HTT: variants seen among roughly 807,000 people sequenced by gnomAD.
HTT encodes the protein huntington disease protein.
HTT carries 104 observed loss-of-function variants against 362.3 expected under a neutral mutation model. That is an observed-to-expected ratio of 0.29 (90% CI 0.24 to 0.34). The LOEUF (loss-of-function observed/expected upper bound fraction) is 0.34, where lower values mean the gene tolerates loss of function less well. Ranked by LOEUF, HTT falls within the 10% of genes least tolerant of loss-of-function variation. The pLI, the probability that HTT is intolerant of heterozygous loss-of-function variation, is 1.00. For missense variants in HTT, 3,301 were observed against 3,928.6 expected, an observed-to-expected ratio of 0.84 and a Z score of 4.27; for synonymous variants, 1,577 against 1,548.7, an observed-to-expected ratio of 1.02 and a Z score of -0.43.
rs1050978423 is a variant in HTT, at chr4:3,114,022, G to T, written c.748-1282G>T. 2.6e-5 allele frequency among the ~76,000 whole-genome samples: 4 copies of T among 152,288 alleles called. No individual in the cohort carries two copies. In the South Asian group the frequency reaches 6.2e-4, roughly 24 times the overall value. ...CACAGCCTTTAGAGCTGAGAGCCCT[G>T]AACAGAGATTTACCCACATATTTAT... On this transcript the variant is annotated intron_variant, in intron 6 of 66. Coordinates refer to ENST00000355072, the MANE Select transcript of HTT (RefSeq NM_001388492.1).
Position 3,102,461 on chromosome 4 carries a change from G to A in HTT, c.469-1363G>A, listed in dbSNP as rs75612991. ...AGAAGTAATGTTGAAATAAATGTTT[G>A]TCCAATTCGCTTTGCTCATTTAAGG... On this transcript the variant is annotated intron_variant, in intron 3 of 66. Coordinates refer to ENST00000355072, the MANE Select transcript of HTT (RefSeq NM_001388492.1). Among the ~76,000 whole-genome samples, 155 of 152,346 alleles carry A rather than the reference G, an allele frequency of 1.0e-3. 5 individuals are homozygous for A. The East Asian group carries it at 0.021, about 21-fold the overall frequency.
Position 3,240,013 on chromosome 4 carries a change from G to A in HTT, c.9383G>A (p.Arg3128Gln), listed in dbSNP as rs748823223. 1.4e-5 allele frequency: 22 copies of A among 1,601,166 alleles called. No homozygotes were observed. Among genetic ancestry groups the A allele is most frequent in the African/African-American group, 4.0e-5 (3 of 74,830 alleles). ...GCAGCCCCAGGAAGCCCATATCACC[G>A]GCTGCTGACTTGTTTACGAAATGTC... ...VVAAPGSPYH[R>Q]LLTCLRNVHK... The change falls in exon 67 of 67, where the codon CGG becomes CAG. Residue 3128 changes from arginine to glutamine, a missense_variant. Physicochemically the swap from Arg to Gln is conservative, Grantham distance 43 (BLOSUM62 1). Coordinates refer to ENST00000355072, the MANE Select transcript of HTT (RefSeq NM_001388492.1).
rs1284406219 is a variant in HTT at position 3,208,858 on chromosome 4, C to T, written c.6238C>T (p.His2080Tyr). The change falls in exon 46 of 67, where the codon CAC (histidine) becomes TAC (tyrosine). Residue 2080 changes from histidine (H) to tyrosine (Y), a missense_variant. Transcript: ENST00000355072. ...SLSPSPPVSS[H>Y]PLDGDGHVSL... ...TAGTCCCTCTCCTCCAGTCTCTTCC[C>T]ACCCGCTGGACGGGGATGGGCACGT... 1 of 1,614,110 alleles carries T rather than the reference C, an allele frequency of 6.2e-7. No individual in the cohort carries two copies. The highest frequency in any genetic ancestry group is 8.5e-7 in the Non-Finnish European group (1 of 1,179,994).
At chr4:3,216,983 C>T (rs1315044950) in intron 51 of HTT, among the ~76,000 whole-genome samples, 2 of 151,312 alleles carry the variant, frequency 1.3e-5, no homozygotes, top group African/African-American at 4.9e-5. Context: ...CGAGATCCCG[C>T]CACTGCACTC....
chr4:3,145,541 C>T (rs12502045), intron 24 of HTT, among the ~76,000 whole-genome samples: 12,007 of 152,156 alleles, frequency 0.079, 533 homozygotes, highest in South Asian at 0.14. Context: ...AAATTATTTG[C>T]TGTGAATTAG....
In HTT at chr4:3,235,269, G is replaced by C; in HGVS notation, c.8457-15G>C. ...ATGGGGGTGGCTGAGCCTGGATGCT[G>C]TCTCCCGTTTTCAGCTGCGTGAACA... On this transcript the variant is annotated splice_polypyrimidine_tract_variant and intron_variant, in intron 61 of 66. Transcript: ENST00000355072. 1 of 1,579,994 alleles carries C rather than the reference G, an allele frequency of 6.3e-7. No individual in the cohort carries two copies. The highest frequency in any genetic ancestry group is 8.7e-7 in the Non-Finnish European group (1 of 1,149,704).
Position 3,180,563 on chromosome 4 carries a change from G to C in HTT, c.4661G>C (p.Gly1554Ala), listed in dbSNP as rs1488757687. ...PIVHDLFVLR[G>A]TNKADAGKEL... ...GTCCACGACCTCTTTGTATTAAGAGGAACAAATAAAGCTGATGCAGGAAAA... is the reference window on the plus strand; with the variant it reads ...GTCCACGACCTCTTTGTATTAAGAGCAACAAATAAAGCTGATGCAGGAAAA... The change falls in exon 36 of 67, where the codon GGA (glycine) becomes GCA (alanine). Residue 1554 changes from glycine (G) to alanine (A), a missense_variant. Coordinates refer to ENST00000355072, the MANE Select transcript of HTT (RefSeq NM_001388492.1). The C allele has an allele frequency of 8.1e-6, 13 of 1,613,120 alleles. No homozygotes were observed. The highest frequency in any genetic ancestry group is 8.5e-6 in the Non-Finnish European group (10 of 1,179,710).
intron 53 of HTT, among the ~76,000 whole-genome samples, chr4:3,220,692 C>T (rs1720632141): frequency 6.6e-6 from 1 of 151,914 alleles, no homozygotes; most frequent in African/African-American, 2.4e-5. Flanking sequence ...CTCAGTGGTC[C>T]ATTTTCTCAT....
At chr4:3,198,165 G>A (rs1420880732) in intron 40 of HTT, among the ~76,000 whole-genome samples, 2 of 147,152 alleles carry the variant, frequency 1.4e-5, no homozygotes, top group African/African-American at 2.5e-5. Flanking sequence ...TAAAAAGCCT[G>A]TACTCTGTTT....
At chr4:3,155,326 A>G (rs1393208431) in intron 27 of HTT, among the ~76,000 whole-genome samples, 3 of 151,418 alleles carry the variant, frequency 2.0e-5, no homozygotes, top group Non-Finnish European at 4.4e-5. Flanking sequence ...GGTTCAAGCA[A>G]TTCTCCTGCC....
intron 32 of HTT, 33 bp from the exon 33 acceptor site, chr4:3,174,913 T>C (rs188527244): frequency 5.2e-6 from 8 of 1,552,378 alleles, no homozygotes; most frequent in Admixed American, 3.8e-5. Context: ...GGCTTACTTA[T>C]GGATTCTTTC....
At chr4:3,203,487 T>A (rs1403596496) in intron 41 of HTT, among the ~76,000 whole-genome samples, 3 of 152,200 alleles carry the variant, frequency 2.0e-5, no homozygotes, top group African/African-American at 7.2e-5. Context: ...AAGTGAGAAG[T>A]CAGTGTAGAG....
intron 23 of HTT, among the ~76,000 whole-genome samples, chr4:3,143,481 A>C (rs149095920): frequency 8.1e-4 from 123 of 151,504 alleles, no homozygotes; most frequent in African/African-American, 2.7e-3. Flanking sequence ...AACTACTGTC[A>C]CCTGCATTGG....
At chr4:3,114,132 G>A (rs1204054612) in intron 6 of HTT, among the ~76,000 whole-genome samples, 1 of 152,332 alleles carries the variant, frequency 6.6e-6, no homozygotes, top group African/African-American at 2.4e-5. Context: ...GGGATGGGCC[G>A]AATTAAAAGA....
intron 41 of HTT, among the ~76,000 whole-genome samples, chr4:3,203,319 C>T (rs182725282): frequency 1.8e-4 from 27 of 152,318 alleles, no homozygotes; most frequent in South Asian, 6.2e-4. Context: ...CCTCTGTCCC[C>T]GTTAAGGCCC....
intron 4 of HTT, 75 bp from the exon 5 acceptor site, chr4:3,105,282 A>C: frequency 1.0e-6 from 1 of 979,742 alleles, no homozygotes; most frequent in Non-Finnish European, 1.6e-6. Flanking sequence ...AAGGAAAGAA[A>C]ATGCTTCGTT....
At position 3,133,109 on chromosome 4, in the gene HTT, G is replaced by A. The variant is rs363077; in HGVS notation, c.2493+198G>A. 6.2e-3 allele frequency among the ~76,000 whole-genome samples: 942 copies of A among 152,278 alleles called. 11 individuals carry two copies. Among genetic ancestry groups the A allele is most frequent in the African/African-American group, 0.021 (883 of 41,562 alleles). ...TAATGCTTCATAAACTTCAGTTTAA[G>A]TTCTAATTCTCAGAATATTTGTTTG... is the stretch of plus-strand genomic sequence containing the variant. On this transcript the variant is annotated intron_variant, in intron 18 of 66. Transcript: ENST00000355072.
chr4:3,133,543 A>C (rs74607965), intron 18 of HTT, among the ~76,000 whole-genome samples: 1 of 142,242 alleles, frequency 7.0e-6, no homozygotes, highest in South Asian at 2.2e-4. Flanking sequence ...AAAAAAAAAA[A>C]CCACTGTGCT....
At chr4:3,148,826 G>A (rs1038105244) in intron 26 of HTT, among the ~76,000 whole-genome samples, 2 of 151,806 alleles carry the variant, frequency 1.3e-5, no homozygotes, top group African/African-American at 2.4e-5. Flanking sequence ...GCATGGTGGT[G>A]CGTGCCTGTA....
Sources: gnomAD v4.1 joint callset for allele counts (sites outside exome capture counted in the v4.1 genomes callset) on GRCh38, gnomAD v4.1.1 for gene constraint, MANE v1.5 for transcripts, NCBI Gene and HGNC (gene_info 2026-07-23, HGNC 2026-07-21) for gene names.